GABRA5: variants seen among roughly 807,000 people sequenced by gnomAD.
GABRA5 encodes gamma-aminobutyric acid type A receptor subunit alpha5, also known as gamma-aminobutyric acid receptor subunit alpha-5.
A neutral mutation model predicts 47.3 loss-of-function variants in GABRA5; 18 were observed. The observed-to-expected ratio is 0.38, with a 90% CI of 0.26 to 0.56. GABRA5 has a LOEUF of 0.56. Ranked by LOEUF, GABRA5 falls within the 20% of genes least tolerant of loss-of-function variation. GABRA5 has a pLI of 0.71. For missense variants in GABRA5, 365 were observed against 599.3 expected (o/e 0.61, Z 4.08); for synonymous variants, 237 against 229.3 (o/e 1.03, Z -0.30).
chr15:26,937,927 A>G (rs779753000), intron 8 of GABRA5, among the ~76,000 whole-genome samples: 1 of 152,356 alleles, frequency 6.6e-6, no homozygotes, highest in Non-Finnish European at 1.5e-5. Context: ...CCAGGACAGG[A>G]AGGCCCAGCC....
intron 6 of GABRA5, among the ~76,000 whole-genome samples, chr15:26,902,268 A>G (rs777694964): frequency 3.3e-5 from 5 of 152,130 alleles, no homozygotes; most frequent in Non-Finnish European, 2.9e-5. Context: ...GAGTATTCCT[A>G]TGAATGAACA....
At chr15:26,933,369 G>C (rs752807080) in intron 7 of GABRA5, among the ~76,000 whole-genome samples, 1 of 152,182 alleles carries the variant, frequency 6.6e-6, no homozygotes, top group Non-Finnish European at 1.5e-5. Flanking sequence ...GGAAATAATT[G>C]GAAGGAGCTG....
Position 26,937,169 on chromosome 15 carries a change from C to T in GABRA5, c.581-16C>T, listed in dbSNP as rs1442885848. The T allele has an allele frequency of 5.0e-6, 8 of 1,613,492 alleles. No individual in the cohort carries two copies. Among genetic ancestry groups the T allele is most frequent in the Non-Finnish European group, 6.8e-6 (8 of 1,179,438 alleles). On this transcript the variant is annotated splice_polypyrimidine_tract_variant and intron_variant, in intron 7 of 10. Coordinates refer to ENST00000335625, the MANE Select transcript of GABRA5 (RefSeq NM_000810.4). ...GATTTCATGTTTATGTCACTTTCTG[C>T]CCCCTCCTCATACAGATGCGTACCC...
intron 6 of GABRA5, among the ~76,000 whole-genome samples, chr15:26,887,611 C>T (rs886795234): frequency 1.3e-5 from 2 of 152,166 alleles, no homozygotes; most frequent in African/African-American, 4.8e-5. Flanking sequence ...ATCGGCCTCC[C>T]AAAGTGCTGG....
intron 6 of GABRA5, among the ~76,000 whole-genome samples, chr15:26,912,732 G>C (rs1463039122): frequency 6.6e-6 from 1 of 152,116 alleles, no homozygotes; most frequent in Admixed American, 6.5e-5. Context: ...CTAGTGTTAG[G>C]TATAAACAAG....
chr15:26,889,256 G>A (rs1051097932), intron 6 of GABRA5, among the ~76,000 whole-genome samples: 6 of 152,182 alleles, frequency 3.9e-5, no homozygotes, highest in African/African-American at 1.4e-4. Flanking sequence ...GGGGAAATAC[G>A]ATGTAGTGAA....
At chr15:26,942,985 G>A (rs1260192512) in intron 9 of GABRA5, among the ~76,000 whole-genome samples, 1 of 152,188 alleles carries the variant, frequency 6.6e-6, no homozygotes, top group African/African-American at 2.4e-5. Flanking sequence ...TCAGGCAGCT[G>A]AGGCACAAGA....
intron 6 of GABRA5, among the ~76,000 whole-genome samples, chr15:26,897,685 T>C (rs1470915246): frequency 2.0e-5 from 3 of 152,188 alleles, no homozygotes; most frequent in Non-Finnish European, 4.4e-5. Flanking sequence ...AGGATTCAAA[T>C]GTCTTTTAAT....
chr15:26,917,859 T>C (rs1893753821), intron 7 of GABRA5, among the ~76,000 whole-genome samples: 1 of 152,116 alleles, frequency 6.6e-6, no homozygotes, highest in Non-Finnish European at 1.5e-5. Flanking sequence ...TAATTGTTCA[T>C]TGTTGTCTTT....
At position 26,883,388 on chromosome 15, in the gene GABRA5, C is replaced by A. The variant is rs375985106; in HGVS notation, c.328C>A (p.Arg110=). 2.9e-5 allele frequency: 46 copies of A among 1,613,910 alleles called. No individual in the cohort carries two copies. Among genetic ancestry groups the A allele is most frequent in the Non-Finnish European group, 3.8e-5 (45 of 1,179,914 alleles). The change falls in exon 6 of 11, where the codon CGG becomes AGG. Residue 110 remains arginine (R), a synonymous_variant. Transcript: ENST00000335625. This position sits in a 1 kb window ranked among gnomAD's most constrained non-coding sequence, Gnocchi z 4.8. ...ACAAAGCTGGAAAGATGAAAGGCTT[C>A]GGTTTAAGGGGCCCATGCAGCGCCT... ...FRQSWKDERL[R]FKGPMQRLPL...
intron 6 of GABRA5, among the ~76,000 whole-genome samples, chr15:26,910,251 AC>A (rs1893547879): frequency 1.3e-5 from 2 of 151,982 alleles, no homozygotes; most frequent in African/African-American, 4.8e-5. Context: ...TGAGTTTAGG[AC>A]CCTAAGCCCT....
chr15:26,867,911 G>A lies in GABRA5; in HGVS notation c.-140+800G>A, dbSNP rs1000933482. 2 of 152,086 alleles carry A rather than the reference G, an allele frequency of 1.3e-5. No individual in the cohort carries two copies. The highest frequency in any genetic ancestry group is 2.9e-5 in the Non-Finnish European group (2 of 68,036). The allele number at this position is 152,086 out of a possible 1,614,324, so 9.4% of individuals were successfully genotyped here. A position where few individuals can be genotyped will look rare whatever the true frequency, so the allele number is the denominator to read the frequency against. ...AAGGCGCTGCCTGGCGGAGCGCTTG[G>A]CTCGTACCCGGGGCAGGAGCAGGGG... On this transcript the variant is annotated intron_variant, in intron 1 of 10. Coordinates refer to ENST00000335625, the MANE Select transcript of GABRA5 (RefSeq NM_000810.4). The surrounding 1 kb of genome is among the most constrained non-coding windows in gnomAD (Gnocchi z 5.9).
At chr15:26,885,123 C>T (rs973470430) in intron 6 of GABRA5, among the ~76,000 whole-genome samples, 4 of 151,968 alleles carry the variant, frequency 2.6e-5, no homozygotes, top group East Asian at 1.9e-4. Flanking sequence ...GGTGAAACCC[C>T]GTCTCTACTA....
At chr15:26,937,355 C>T in intron 8 of GABRA5, 27 bp downstream of exon 8, 1 of 1,577,544 alleles carries the variant, frequency 6.3e-7, no homozygotes, top group African/African-American at 1.4e-5. Context: ...CGCTGTGCTG[C>T]CAGGCGCACT....
intron 7 of GABRA5, among the ~76,000 whole-genome samples, chr15:26,922,194 CT>C (rs1893859190): frequency 6.6e-6 from 1 of 152,174 alleles, no homozygotes; most frequent in South Asian, 2.1e-4. Flanking sequence ...GCACTGAAAT[CT>C]TCAGCTATAA....
intron 7 of GABRA5, among the ~76,000 whole-genome samples, chr15:26,917,898 G>T (rs1020100025): frequency 9.2e-5 from 14 of 151,760 alleles, no homozygotes; most frequent in African/African-American, 3.4e-4. Flanking sequence ...TGTGGCATCA[G>T]TTGCAATGTC....
At chr15:26,875,662 A>G (rs1892578873) in intron 3 of GABRA5, among the ~76,000 whole-genome samples, 2 of 151,972 alleles carry the variant, frequency 1.3e-5, no homozygotes, top group South Asian at 4.2e-4. Context: ...TGTGTTAGGA[A>G]CAGCGGAGGG....
At chr15:26,937,879 G>T (rs140821027) in intron 8 of GABRA5, among the ~76,000 whole-genome samples, 3 of 152,244 alleles carry the variant, frequency 2.0e-5, no homozygotes, top group Admixed American at 2.0e-4. Flanking sequence ...AGGATGCATT[G>T]CATCTCCAGA....
chr15:26,926,814 T>C (rs1343424424), intron 7 of GABRA5, among the ~76,000 whole-genome samples: 1 of 152,232 alleles, frequency 6.6e-6, no homozygotes, highest in African/African-American at 2.4e-5. Flanking sequence ...CCAGATGTAA[T>C]GCTACTGGTG....
Sources: allele counts gnomAD v4.1 joint callset (sites outside exome capture counted in the v4.1 genomes callset), GRCh38; gene constraint gnomAD v4.1.1; non-coding constraint Gnocchi (gnomAD v3.1); transcripts MANE v1.5; gene names NCBI Gene and HGNC (gene_info 2026-07-23, HGNC 2026-07-21).